The following CDH18 variants were observed in gnomAD, a reference collection of about 807,000 sequenced individuals.
CDH18 encodes the protein cadherin 18.
Under a neutral mutation model 67.9 loss-of-function variants are expected in CDH18, and 31 were observed. The ratio of observed to expected loss-of-function variants is 0.46; its 90% CI spans 0.34 to 0.62. The LOEUF is 0.62. CDH18 is among the 20% of genes least tolerant of loss of function. The pLI is 0.01. For synonymous variants in CDH18, 362 were observed against 347.2 expected (o/e 1.04, Z -0.48); for missense variants, 890 against 975.5 (o/e 0.91, Z 1.17).
At chr5:19,835,329 T>G (rs1156731996) in intron 3 of CDH18, among the ~76,000 whole-genome samples, 4 of 151,634 alleles carry the variant, frequency 2.6e-5, no homozygotes, top group African/African-American at 9.7e-5. Flanking sequence ...TGAGAACACA[T>G]GGACACAGAG....
At chr5:20,456,081 C>G (rs1254346235) in intron 1 of CDH18, among the ~76,000 whole-genome samples, 1 of 152,036 alleles carries the variant, frequency 6.6e-6, no homozygotes, top group African/African-American at 2.4e-5. Context: ...GCTTATTAGC[C>G]TCCTTCAACA....
intron 1 of CDH18, chr5:20,305,597 A>C: frequency 1.9e-6 from 1 of 528,730 alleles, no homozygotes; most frequent in Non-Finnish European, 3.4e-6. Context: ...TGCGGGCCTC[A>C]GAGGACTTGG....
chr5:19,847,096 T>C (rs1271490252), intron 2 of CDH18, among the ~76,000 whole-genome samples: 1 of 152,126 alleles, frequency 6.6e-6, no homozygotes, highest in Non-Finnish European at 1.5e-5. Flanking sequence ...TTGATTGTAA[T>C]GTATCTTAGC....
intron 1 of CDH18, among the ~76,000 whole-genome samples, chr5:20,525,882 T>G (rs1581152058): frequency 6.6e-6 from 1 of 152,128 alleles, no homozygotes; most frequent in Non-Finnish European, 1.5e-5. Flanking sequence ...TTTAGCAATA[T>G]TTTATGACTC....
intron 3 of CDH18, among the ~76,000 whole-genome samples, chr5:19,775,531 G>C (rs1485182188): frequency 6.6e-6 from 1 of 151,576 alleles, no homozygotes; most frequent in Admixed American, 6.6e-5. Context: ...GCAGGAGCGA[G>C]AGAAAGACAG....
intron 1 of CDH18, among the ~76,000 whole-genome samples, chr5:20,337,651 C>A (rs1279013703): frequency 6.6e-6 from 1 of 152,186 alleles, no homozygotes; most frequent in Non-Finnish European, 1.5e-5. Context: ...AGCCATTCAA[C>A]AAGTCTCTAG....
intron 5 of CDH18, among the ~76,000 whole-genome samples, chr5:19,687,482 C>T (rs1047570941): frequency 2.6e-5 from 4 of 152,156 alleles, no homozygotes; most frequent in East Asian, 3.9e-4. Flanking sequence ...GTATACACAG[C>T]GTCCTGTATC....
rs1465127279 is a variant in CDH18, at chr5:20,304,497, T to A, written c.-579-48992A>T. 7.5e-6 allele frequency: 12 copies of A among 1,595,310 alleles called. No homozygotes were observed. The East Asian group carries it at 2.7e-4, about 36-fold the overall frequency. ...TCCGCTTGGCCCTCCAATGGTTTAG[T>A]GCGAAATGGTGAAGAGACTGGTTTA... On this transcript the variant is annotated intron_variant, in intron 1 of 14. Transcript: ENST00000507958.
rs1345177143 is a variant in CDH18, at chr5:19,520,645, CAATT to C, written c.1512+8_1512+11del. 8.7e-6 allele frequency: 14 copies of C among 1,602,426 alleles called. No homozygotes were observed. In the Middle Eastern group the frequency reaches 5.0e-4, roughly 57 times the overall value. On this transcript the variant is annotated splice_region_variant and intron_variant, in intron 10 of 12. Coordinates refer to ENST00000382275, the MANE Select transcript of CDH18 (RefSeq NM_004934.5). The stretch of plus-strand genomic sequence containing the variant: ...TCCATTCAAATGAGGAGGAAGGAAA[CAATT>C]AACTTACCTGGCCAGGCTTAGAATT...
In CDH18 at chr5:20,299,983, T is replaced by A. The variant is rs551512085; in HGVS notation, c.-579-44478A>T. Among the ~76,000 whole-genome samples the A allele has an allele frequency of 8.4e-4, 128 of 152,216 alleles. 2 individuals are homozygous for A. The South Asian group carries it at 0.025, about 30-fold the overall frequency. ...ATAGGATTTAGCAAGACAGGACCAT[T>A]CCACATGAATTGATAAAATCAAATA... On this transcript the variant is annotated intron_variant, in intron 1 of 14. Coordinates refer to the CDH18 transcript ENST00000507958.
At chr5:20,107,142 G>A (rs1747018674) in intron 2 of CDH18, among the ~76,000 whole-genome samples, 1 of 150,530 alleles carries the variant, frequency 6.6e-6, no homozygotes, top group Non-Finnish European at 1.5e-5. Context: ...GTGCAGTGGC[G>A]AGATCTCCTC....
intron 2 of CDH18, among the ~76,000 whole-genome samples, chr5:19,855,888 G>T (rs532543665): frequency 9.9e-5 from 15 of 152,190 alleles, no homozygotes; most frequent in African/African-American, 2.9e-4. Flanking sequence ...ACTCATTTAA[G>T]ATATTTTCAA....
At chr5:20,096,474 T>G (rs528421685) in intron 2 of CDH18, among the ~76,000 whole-genome samples, 1 of 152,038 alleles carries the variant, frequency 6.6e-6, no homozygotes, top group Admixed American at 6.6e-5. Flanking sequence ...AAAAGGAAAG[T>G]GTAAATATGT....
intron 12 of CDH18, among the ~76,000 whole-genome samples, chr5:19,476,698 T>A (rs1738526104): frequency 6.6e-6 from 1 of 152,070 alleles, no homozygotes; most frequent in Non-Finnish European, 1.5e-5. Flanking sequence ...ATAATACAAT[T>A]TCTTACCTTC....
intron 2 of CDH18, among the ~76,000 whole-genome samples, chr5:19,919,376 A>C (rs994606991): frequency 1.3e-5 from 2 of 152,054 alleles, no homozygotes; most frequent in East Asian, 3.9e-4. Flanking sequence ...GGTTGTAGGA[A>C]CTCCCAATTT....
At chr5:19,819,728 C>A (rs956616973) in intron 3 of CDH18, among the ~76,000 whole-genome samples, 2 of 152,204 alleles carry the variant, frequency 1.3e-5, no homozygotes, top group Non-Finnish European at 2.9e-5. Flanking sequence ...CTGCAAAACA[C>A]AACCATAAGT....
At chr5:20,458,777 A>C (rs2150219405) in intron 1 of CDH18, among the ~76,000 whole-genome samples, 1 of 152,328 alleles carries the variant, frequency 6.6e-6, no homozygotes, top group African/African-American at 2.4e-5. Flanking sequence ...GCTTGTTATC[A>C]GCATTGCTAA....
At chr5:19,775,969 C>A (rs1774313449) in intron 3 of CDH18, among the ~76,000 whole-genome samples, 1 of 151,854 alleles carries the variant, frequency 6.6e-6, no homozygotes. Context: ...AAGTGAGAAA[C>A]CACTGATTTT....
At chr5:19,701,502 T>C (rs1038464011) in intron 5 of CDH18, among the ~76,000 whole-genome samples, 2 of 151,728 alleles carry the variant, frequency 1.3e-5, no homozygotes, top group African/African-American at 4.8e-5. Context: ...AATTTGGAGG[T>C]ATTTAATTTG....
Sources: gnomAD v4.1 joint callset for allele counts (sites outside exome capture counted in the v4.1 genomes callset) on GRCh38, gnomAD v4.1.1 for gene constraint, MANE v1.5 for transcripts, NCBI Gene and HGNC (gene_info 2026-07-23, HGNC 2026-07-21) for gene names.